The following PTPRJ variants were observed in gnomAD, a reference collection of about 807,000 sequenced individuals.
PTPRJ encodes the protein protein tyrosine phosphatase receptor type J, also known as receptor-type tyrosine-protein phosphatase eta.
A neutral mutation model predicts 141.3 loss-of-function variants in PTPRJ; 129 were observed. The ratio of observed to expected loss-of-function variants is 0.91; its 90% CI spans 0.79 to 1.06. The LOEUF (loss-of-function observed/expected upper bound fraction) is 1.06. Among genes scored for constraint, PTPRJ ranks in the 50% least tolerant of loss-of-function variants. The probability of loss-of-function intolerance (pLI) is 0.00; values close to 1 mark genes in which losing one functional copy is unlikely to be tolerated. For synonymous variants in PTPRJ, 610 were observed against 640.5 expected, an observed-to-expected ratio of 0.95 and a Z score of 0.72; for missense variants, 1,601 against 1,679.7, an observed-to-expected ratio of 0.95 and a Z score of 0.82.
chr11:48,071,585 G>T (rs565825772), intron 1 of PTPRJ, among the ~76,000 whole-genome samples: 126 of 142,612 alleles, frequency 8.8e-4, no homozygotes, highest in African/African-American at 3.0e-3. Context: ...TGGGATTACA[G>T]GTGTGAGCCA....
At chr11:48,030,966 T>C (rs1236784720) in intron 1 of PTPRJ, among the ~76,000 whole-genome samples, 3 of 152,096 alleles carry the variant, frequency 2.0e-5, no homozygotes, top group African/African-American at 7.2e-5. Context: ...GTCCTTTTAC[T>C]AAGGAGGAGG....
intron 9 of PTPRJ, 85 bp downstream of exon 9, chr11:48,136,381 C>G: frequency 6.7e-7 from 1 of 1,491,142 alleles, no homozygotes. Context: ...GGCCAGTGTG[C>G]TTCTGGGATC....
intron 21 of PTPRJ, 77 bp from the exon 22 acceptor site, chr11:48,159,853 C>T (rs1473240468): frequency 6.4e-7 from 1 of 1,556,738 alleles, no homozygotes; most frequent in Non-Finnish European, 8.8e-7. Flanking sequence ...TTTCAATAGC[C>T]AGTCTCCCTT....
chr11:48,105,331 G>T (rs1013546036), intron 1 of PTPRJ, among the ~76,000 whole-genome samples: 1 of 152,114 alleles, frequency 6.6e-6, no homozygotes, highest in African/African-American at 2.4e-5. Context: ...CTAACCTGGG[G>T]CCTGGGGCCC....
At chr11:48,151,796 T>C (rs1337380613) in intron 18 of PTPRJ, among the ~76,000 whole-genome samples, 2 of 152,300 alleles carry the variant, frequency 1.3e-5, no homozygotes, top group East Asian at 3.9e-4. Flanking sequence ...TATGGCTGCA[T>C]AGTATTCCAT....
At chr11:48,064,758 G>A (rs991838883) in intron 1 of PTPRJ, among the ~76,000 whole-genome samples, 4 of 148,914 alleles carry the variant, frequency 2.7e-5, no homozygotes, top group Admixed American at 6.7e-5. Context: ...CGCCCACCAC[G>A]GGCCCGAGAA....
intron 4 of PTPRJ, among the ~76,000 whole-genome samples, chr11:48,121,588 C>T (rs1856710870): frequency 6.6e-6 from 1 of 152,146 alleles, no homozygotes; most frequent in African/African-American, 2.4e-5. Context: ...TAATTACCAG[C>T]CTTTTAAGCT....
Position 48,170,431 on chromosome 11 carries a change from G to A in PTPRJ, c.*3069G>A, listed in dbSNP as rs903285842. 1.3e-5 allele frequency: 2 copies of A among 152,258 alleles called. No individual in the cohort carries two copies. Among genetic ancestry groups the A allele is most frequent in the East Asian group, 1.9e-4 (1 of 5,174 alleles). 9.4% of individuals were successfully genotyped at this position (152,258 alleles called of 1,614,324 possible). A position where few individuals can be genotyped will look rare whatever the true frequency, so the allele number is the denominator to read the frequency against. Reference sequence around the variant, plus strand: ...TCCCGGGGGTTGGGGATCGAGGGGCGGGGGTCAGCTATGCAGCCCATCACG... The same window carrying A: ...TCCCGGGGGTTGGGGATCGAGGGGCAGGGGTCAGCTATGCAGCCCATCACG... On this transcript the variant is annotated 3_prime_UTR_variant, in exon 25 of 25. Coordinates refer to ENST00000418331, the MANE Select transcript of PTPRJ (RefSeq NM_002843.4).
chr11:48,029,874 G>C lies in PTPRJ; in HGVS notation c.96+48866G>C, dbSNP rs77393184. On this transcript the variant is annotated intron_variant, in intron 1 of 24. Coordinates refer to ENST00000418331, the MANE Select transcript of PTPRJ (RefSeq NM_002843.4). ...TGAACAGTACTGTTTTCTACTTGAA[G>C]TTCTAGTTGGCCCCCACTCCCTTCC... Among the ~76,000 whole-genome samples the C allele has an allele frequency of 9.6e-3, 1,456 of 152,282 alleles. 171 individuals are homozygous for C. In the East Asian group the frequency reaches 0.23, roughly 24 times the overall value.
chr11:48,111,993 C>T (rs1203959347), intron 2 of PTPRJ, among the ~76,000 whole-genome samples: 3 of 152,134 alleles, frequency 2.0e-5, no homozygotes, highest in East Asian at 3.9e-4. Context: ...ATCAGGAAGT[C>T]CCTGCTGTAG....
At chr11:48,141,564 C>T (rs886064310) in intron 11 of PTPRJ, among the ~76,000 whole-genome samples, 10 of 152,112 alleles carry the variant, frequency 6.6e-5, no homozygotes, top group African/African-American at 1.7e-4. Flanking sequence ...ACATTTGCTC[C>T]GTCTTTGCTC....
At chr11:48,136,446 GCT>G in intron 9 of PTPRJ, 150 bp downstream of exon 9, 4 of 948,736 alleles carry the variant, frequency 4.2e-6, no homozygotes, top group Non-Finnish European at 6.3e-6. Flanking sequence ...CAATGGTTCT[GCT>G]GTCACCATGG....
intron 1 of PTPRJ, among the ~76,000 whole-genome samples, chr11:48,012,666 AG>A (rs1460455506): frequency 6.6e-6 from 1 of 152,130 alleles, no homozygotes; most frequent in Non-Finnish European, 1.5e-5. Flanking sequence ...GAGCCCCTTG[AG>A]AGAGGTTTCA....
chr11:48,060,234 T>C (rs370351777), intron 1 of PTPRJ, among the ~76,000 whole-genome samples: 3 of 152,212 alleles, frequency 2.0e-5, no homozygotes, highest in African/African-American at 7.2e-5. Flanking sequence ...AAGAGGTAGA[T>C]TGACGAAATA....
intron 4 of PTPRJ, among the ~76,000 whole-genome samples, chr11:48,122,001 G>A (rs1856719420): frequency 6.6e-6 from 1 of 152,144 alleles, no homozygotes; most frequent in Non-Finnish European, 1.5e-5. Flanking sequence ...ACGAGGTCCA[G>A]CGTGGAGCAG....
intron 1 of PTPRJ, among the ~76,000 whole-genome samples, chr11:48,037,831 T>G (rs1396288764): frequency 6.6e-6 from 1 of 151,630 alleles, no homozygotes. Context: ...AAGAAAAAAA[T>G]ATATTCCACA....
At chr11:48,118,926 AGG>A (rs1188223438) in intron 3 of PTPRJ, among the ~76,000 whole-genome samples, 1 of 147,640 alleles carries the variant, frequency 6.8e-6, no homozygotes. Context: ...AGGCTGAGGC[AGG>A]AGAATCGCCT....
intron 1 of PTPRJ, among the ~76,000 whole-genome samples, chr11:48,055,826 C>T (rs760973999): frequency 1.1e-4 from 16 of 152,210 alleles, no homozygotes; most frequent in Non-Finnish European, 1.8e-4. Flanking sequence ...CTCAGCTCTG[C>T]GAGTGCTGGG....
chr11:48,127,814 C>T lies in PTPRJ; in HGVS notation c.1128C>T (p.Asn376=), dbSNP rs1856878961. 1.2e-6 allele frequency: 2 copies of T among 1,614,214 alleles called. No individual in the cohort carries two copies. Among genetic ancestry groups the T allele is most frequent in the Admixed American group, 1.7e-5 (1 of 60,028 alleles). ...AGGTTTTTGACGTCACCGCTGTGAA[C>T]ATCAGTGCCACAAGCCTGACCCTGA... ...AIQVFDVTAV[N]ISATSLTLIW... The change falls in exon 7 of 25, where the codon AAC becomes AAT. Residue 376 remains asparagine, a synonymous_variant. Coordinates refer to ENST00000418331, the MANE Select transcript of PTPRJ (RefSeq NM_002843.4).
Sources: gnomAD v4.1 joint callset for allele counts (sites outside exome capture counted in the v4.1 genomes callset) on GRCh38, gnomAD v4.1.1 for gene constraint, MANE v1.5 for transcripts, NCBI Gene and HGNC (gene_info 2026-07-23, HGNC 2026-07-21) for gene names.